The following TNRC18 variants were observed in gnomAD, a reference collection of about 807,000 sequenced individuals.
The protein encoded by TNRC18 is trinucleotide repeat-containing gene 18 protein.
A neutral mutation model predicts 226.7 loss-of-function variants in TNRC18; 69 were observed. That is an observed-to-expected ratio of 0.30 (90% confidence interval 0.25 to 0.37). TNRC18 has a LOEUF of 0.37. Among genes scored for constraint, TNRC18 ranks in the 10% least tolerant of loss-of-function variants. The pLI is 1.00. For missense variants in TNRC18, 4,754 were observed against 4,256.6 expected, an observed-to-expected ratio of 1.12 and a Z score of -3.25; for synonymous variants, 2,449 against 1,927.6, an observed-to-expected ratio of 1.27 and a Z score of -7.09.
intron 16 of TNRC18, among the ~76,000 whole-genome samples, chr7:5,356,212 A>T (rs1409666989): frequency 6.6e-6 from 1 of 150,856 alleles, no homozygotes. Flanking sequence ...CACAGCCATG[A>T]TGGCAGCAGG....
chr7:5,312,947 GGAGGAAGACGAA>G lies in TNRC18; in HGVS notation c.7932_7943del (p.Ser2668_Ser2671del), dbSNP rs1427857183. Reference sequence around the variant, plus strand: ...ACGAGGAAGAGGAGGAGGAGGAAGAGGAGGAAGACGAAGAGGAAGAGGAGGAGGAGGAAGAGG... The same window carrying G: ...ACGAGGAAGAGGAGGAGGAGGAAGAGGAGGAAGAGGAGGAGGAGGAAGAGG... On this transcript the variant is annotated inframe_deletion, in exon 27 of 30. Coordinates refer to ENST00000430969, the MANE Select transcript of TNRC18 (RefSeq NM_001080495.3). The surrounding 1 kb of genome is among the most constrained non-coding windows in gnomAD (Gnocchi z 6.3). The G allele has an allele frequency of 1.5e-6, 2 of 1,373,844 alleles. No individual in the cohort carries two copies. Among genetic ancestry groups the G allele is most frequent in the Non-Finnish European group, 2.0e-6 (2 of 1,003,456 alleles). 85.1% of individuals were successfully genotyped at this position (1,373,844 alleles called of 1,614,324 possible).
chr7:5,325,633 C>CGA (rs941018470), intron 19 of TNRC18: 8 of 201,650 alleles, frequency 4.0e-5, no homozygotes, highest in African/African-American at 1.9e-4. Context: ...ACCGTGTTTG[C>CGA]GAGGATGGTC....
At chr7:5,414,600 G>A (rs966477964) in intron 2 of TNRC18, among the ~76,000 whole-genome samples, 10 of 152,016 alleles carry the variant, frequency 6.6e-5, no homozygotes, top group Non-Finnish European at 1.3e-4. Flanking sequence ...TTTTAGTAGA[G>A]ACGGGGTTTC....
At chr7:5,419,988 T>C (rs1562648630) in intron 2 of TNRC18, 2 of 163,534 alleles carry the variant, frequency 1.2e-5, no homozygotes, top group Non-Finnish European at 2.7e-5. Context: ...GTGGATTTTT[T>C]TTTTTTTTTA....
At chr7:5,341,221 C>A (rs1222898959) in intron 18 of TNRC18, among the ~76,000 whole-genome samples, 3 of 148,430 alleles carry the variant, frequency 2.0e-5, no homozygotes, top group African/African-American at 7.5e-5. Flanking sequence ...ACCATCCTGG[C>A]TACCACAGTG....
chr7:5,388,511 C>T lies in TNRC18; in HGVS notation c.1313G>A (p.Arg438Gln). The T allele has an allele frequency of 7.5e-7, 1 of 1,327,604 alleles. No homozygotes were observed. Among genetic ancestry groups the T allele is most frequent in the Non-Finnish European group, 9.6e-7 (1 of 1,043,930 alleles). The allele number at this position is 1,327,604 out of a possible 1,614,324, so 82.2% of individuals were successfully genotyped here. The change falls in exon 5 of 30, where the codon CGG becomes CAG. Residue 438 changes from arginine to glutamine, a missense_variant. By Grantham distance (43) the Arg-to-Gln change is conservative. Transcript: ENST00000430969. ...EKNSVIRSLK[R>Q]PPPADAPTVR... Reference sequence around the variant, plus strand: ...CGTGGGGGCATCCGCGGGGGGCGGCCGCTTGAGCGAGCGGATGACCGAGTT... The same window carrying T: ...CGTGGGGGCATCCGCGGGGGGCGGCTGCTTGAGCGAGCGGATGACCGAGTT...
chr7:5,368,000 G>A (rs983650472), intron 11 of TNRC18, among the ~76,000 whole-genome samples: 7 of 151,438 alleles, frequency 4.6e-5, no homozygotes, highest in African/African-American at 1.7e-4. Context: ...TCAGAGATAC[G>A]GACAAAGTTT....
chr7:5,330,543 G>T (rs1327094432), intron 19 of TNRC18, among the ~76,000 whole-genome samples: 1 of 151,864 alleles, frequency 6.6e-6, no homozygotes, highest in Admixed American at 6.6e-5. Context: ...CCAGTCTGGT[G>T]CCTGTCCATA....
At chr7:5,362,906 G>A in intron 11 of TNRC18, 81 bp from the exon 12 acceptor site, 1 of 1,398,782 alleles carries the variant, frequency 7.1e-7, no homozygotes, top group African/African-American at 1.4e-5. Context: ...CCCAAAGCAA[G>A]CGCAGGCCCC....
In TNRC18 at chr7:5,315,995, A is replaced by G. The variant is rs367567015; in HGVS notation, c.6823T>C (p.Ser2275Pro). 3 of 1,602,742 alleles carry G rather than the reference A, an allele frequency of 1.9e-6. No individual in the cohort carries two copies. The highest frequency in any genetic ancestry group is 1.1e-5 in the South Asian group (1 of 89,470). ...DDGDTGRIPL[S>P]HIRLLPPDYK... ...TCAGGGGGCAGGAGGCGGATATGTG[A>G]GAGGGGGATCCTGCCCGTGTCTCCG... is the stretch of plus-strand genomic sequence containing the variant. Residue 2275 changes from serine to proline, a missense_variant, in exon 25 of 30, where the codon TCA (serine) becomes CCA (proline). Ser to Pro is a moderately conservative substitution (Grantham distance 74). Coordinates refer to ENST00000430969, the MANE Select transcript of TNRC18 (RefSeq NM_001080495.3).
chr7:5,394,808 G>C lies in TNRC18; in HGVS notation c.188-213C>G, dbSNP rs943015802. ...ATCAACCCAACCAGACCCAGGGCTT[G>C]AGAAAGCACAATACGGCAGGAAGCC... is the stretch of plus-strand genomic sequence containing the variant. On this transcript the variant is annotated intron_variant, in intron 2 of 29. Transcript: ENST00000430969. The surrounding 1 kb of genome is among the most constrained non-coding windows in gnomAD (Gnocchi z 4.5). Among the ~76,000 whole-genome samples the C allele has an allele frequency of 2.0e-5, 3 of 152,038 alleles. No individual in the cohort carries two copies. Among genetic ancestry groups the C allele is most frequent in the Non-Finnish European group, 2.9e-5 (2 of 68,006 alleles).
At chr7:5,320,812 C>G (rs1198082556) in intron 22 of TNRC18, 4 of 622,114 alleles carry the variant, frequency 6.4e-6, no homozygotes, top group South Asian at 5.9e-5. Flanking sequence ...AGGCACAGTC[C>G]AGATCCTGAG....
rs201752435 is a variant in TNRC18 at position 5,359,414 on chromosome 7, G to A, written c.4817C>T (p.Ser1606Leu). Reference sequence around the variant, plus strand: ...GTTACTCACCTGACTGATGAAGTCCGACGAGGCCTCATGTTCATCCCAAGT... The same window carrying A: ...GTTACTCACCTGACTGATGAAGTCCAACGAGGCCTCATGTTCATCCCAAGT... ...NQTWDEHEAS[S>L]DFISQLKIKK... Residue 1606 changes from serine to leucine, a missense_variant, in exon 15 of 30, where the codon TCG becomes TTG. Physicochemically the swap from Ser to Leu is moderately radical, Grantham distance 145 (BLOSUM62 -2). Coordinates refer to ENST00000430969, the MANE Select transcript of TNRC18 (RefSeq NM_001080495.3). The A allele has an allele frequency of 2.9e-4, 473 of 1,613,974 alleles. 6 individuals carry two copies. The highest frequency in any genetic ancestry group is 6.3e-4 in the South Asian group (57 of 91,082).
intron 18 of TNRC18, among the ~76,000 whole-genome samples, chr7:5,335,902 T>C (rs1354321595): frequency 1.4e-5 from 2 of 145,358 alleles, no homozygotes; most frequent in Middle Eastern, 3.9e-3. Flanking sequence ...ATGTCCAAGA[T>C]ACAGTCCGCA....
At chr7:5,331,460 C>CT (rs915411886) in intron 19 of TNRC18, among the ~76,000 whole-genome samples, 1 of 151,850 alleles carries the variant, frequency 6.6e-6, no homozygotes, top group East Asian at 1.9e-4. Context: ...ATTTTAACCT[C>CT]TAAAAAAAAA....
Position 5,345,543 on chromosome 7 carries a change from C to T in TNRC18, c.5719+19G>A, listed in dbSNP as rs747077961. ...CCCCTCCCACCCACCCCCACCGCAG[C>T]CCACCTGCTGCCACTTACCCAGCAG... On this transcript the variant is annotated intron_variant, in intron 18 of 29. Transcript: ENST00000430969. 2 of 1,419,064 alleles carry T rather than the reference C, an allele frequency of 1.4e-6. No homozygotes were observed. Among genetic ancestry groups the T allele is most frequent in the Non-Finnish European group, 1.9e-6 (2 of 1,078,498 alleles). 87.9% of individuals were successfully genotyped at this position (1,419,064 alleles called of 1,614,324 possible). A position where few individuals can be genotyped will look rare whatever the true frequency, so the allele number is the denominator to read the frequency against.
In TNRC18 at chr7:5,313,031, G is replaced by T. The variant is rs771053529; in HGVS notation, c.7860C>A (p.Ser2620=). 5.0e-5 allele frequency: 45 copies of T among 892,462 alleles called. No individual in the cohort carries two copies. Among genetic ancestry groups the T allele is most frequent in the Non-Finnish European group, 6.7e-5 (38 of 565,516 alleles). The allele number at this position is 892,462 out of a possible 1,614,324, so 55.3% of individuals were successfully genotyped here. A position where few individuals can be genotyped will look rare whatever the true frequency, so the allele number is the denominator to read the frequency against. ...ASPASSSSSS[S]SSSSSSSSSS... ...AGGAGGAGGAGGAGGAGGAGGAGGAGGATGAGGAGGAGGAGGAGGAGGCCG... is the reference window on the plus strand; with the variant it reads ...AGGAGGAGGAGGAGGAGGAGGAGGATGATGAGGAGGAGGAGGAGGAGGCCG... Residue 2620 remains serine, a synonymous_variant, in exon 27 of 30, where the codon TCC becomes TCA. Coordinates refer to ENST00000430969, the MANE Select transcript of TNRC18 (RefSeq NM_001080495.3).
chr7:5,338,926 GAA>G (rs778716584), intron 18 of TNRC18, among the ~76,000 whole-genome samples: 5 of 64,322 alleles, frequency 7.8e-5, no homozygotes, highest in Non-Finnish European at 9.6e-5. Flanking sequence ...ATCTCAAAAG[GAA>G]AAAAAAAAAA....
At chr7:5,363,436 A>C (rs1176214943) in intron 11 of TNRC18, among the ~76,000 whole-genome samples, 1 of 151,824 alleles carries the variant, frequency 6.6e-6, no homozygotes, top group East Asian at 1.9e-4. Flanking sequence ...TCCCATCTCT[A>C]CTAAAAAATA....
Sources: allele counts gnomAD v4.1 joint callset (sites outside exome capture counted in the v4.1 genomes callset), GRCh38; gene constraint gnomAD v4.1.1; non-coding constraint Gnocchi (gnomAD v3.1); transcripts MANE v1.5; gene names NCBI Gene and HGNC (gene_info 2026-07-23, HGNC 2026-07-21).